GUCY1A1: variants seen among roughly 807,000 people sequenced by gnomAD.
GUCY1A1 encodes the protein guanylate cyclase 1 soluble subunit alpha 1, also known as guanylate cyclase soluble subunit alpha-1.
A neutral mutation model predicts 64.5 loss-of-function variants in GUCY1A1; 48 were observed. That is an observed-to-expected ratio of 0.74 (90% CI 0.59 to 0.95). GUCY1A1 has a LOEUF of 0.95. Among genes scored for constraint, GUCY1A1 ranks in the 40% least tolerant of loss-of-function variants. The pLI, the probability that GUCY1A1 is intolerant of heterozygous loss-of-function variation, is 0.00. For missense variants in GUCY1A1, 804 were observed against 825.3 expected, an observed-to-expected ratio of 0.97 and a Z score of 0.32; for synonymous variants, 308 against 303.4, an observed-to-expected ratio of 1.02 and a Z score of -0.16.
At chr4:155,700,305 C>T (rs748254221) in intron 3 of GUCY1A1, among the ~76,000 whole-genome samples, 2 of 151,960 alleles carry the variant, frequency 1.3e-5, no homozygotes, top group Non-Finnish European at 2.9e-5. Context: ...AAGAGAATCA[C>T]GAGGTCTGTA....
intron 8 of GUCY1A1, among the ~76,000 whole-genome samples, chr4:155,720,372 T>TATCTATC: frequency 7.1e-6 from 1 of 139,960 alleles, no homozygotes; most frequent in East Asian, 2.1e-4. Flanking sequence ...TCTATCTATC[T>TATCTATC]ATCTATCACT....
chr4:155,696,878 C>T lies in GUCY1A1; in HGVS notation c.11C>T (p.Thr4Met), dbSNP rs978762193. 3.0e-5 allele frequency: 49 copies of T among 1,613,408 alleles called. No homozygotes were observed. Among genetic ancestry groups the T allele is most frequent in the Admixed American group, 3.3e-5 (2 of 59,944 alleles). Residue 4 changes from threonine (T) to methionine (M), a missense_variant, in exon 3 of 10, where the codon ACG (threonine) becomes ATG (methionine). Coordinates refer to ENST00000506455, the MANE Select transcript of GUCY1A1 (RefSeq NM_001130682.3). MFC[T>M]KLKDLKITGE... is the part of the protein sequence containing the mutation. ...AGAGACACCAACACCATGTTCTGCA[C>T]GAAGCTCAAGGATCTCAAGATCACA...
chr4:155,680,070 G>T (rs13114562), intron 2 of GUCY1A1, among the ~76,000 whole-genome samples: 35,061 of 151,990 alleles, frequency 0.23, 5,147 homozygotes, highest in East Asian at 0.64. Context: ...GCCTCATTTT[G>T]TCAATTTTTA....
chr4:155,703,996 A>C lies in GUCY1A1; in HGVS notation c.317+3A>C. ...AAGCACAAAATAAAAGAAAGCAGGTAAGTCAAACCACTTTAGTTGTGTGAA... is the reference window on the plus strand; with the variant it reads ...AAGCACAAAATAAAAGAAAGCAGGTCAGTCAAACCACTTTAGTTGTGTGAA... On this transcript the variant is annotated splice_donor_region_variant and intron_variant, in intron 4 of 9. Transcript: ENST00000506455. The C allele has an allele frequency of 6.3e-7, 1 of 1,583,034 alleles. No individual in the cohort carries two copies. Among genetic ancestry groups the C allele is most frequent in the Non-Finnish European group, 8.7e-7 (1 of 1,155,556 alleles).
At chr4:155,693,740 C>G (rs370550200) in intron 2 of GUCY1A1, among the ~76,000 whole-genome samples, 2 of 152,180 alleles carry the variant, frequency 1.3e-5, no homozygotes, top group South Asian at 4.2e-4. Flanking sequence ...AAACACTGTT[C>G]GGCTTATTTC....
chr4:155,712,211 A>G (rs975672746), intron 6 of GUCY1A1, among the ~76,000 whole-genome samples: 4 of 151,942 alleles, frequency 2.6e-5, no homozygotes, highest in African/African-American at 9.7e-5. Context: ...GCTCACTGCA[A>G]CCTCCAACTC....
Position 155,710,944 on chromosome 4 carries a change from A to C in GUCY1A1, c.779A>C (p.Lys260Thr). The part of the protein sequence containing the change: ...QPYLLYSVHM[K>T]STKPSLSPSK... ...TACTTGTTGTACTCCGTTCACATGA[A>C]AAGCACCAAGCCATCCCTGTCCCCC... is the stretch of plus-strand genomic sequence containing the variant. The change falls in exon 6 of 10, where the codon AAA becomes ACA. Residue 260 changes from lysine (K) to threonine (T), a missense_variant. Physicochemically the swap from Lys to Thr is moderately conservative, Grantham distance 78. Coordinates refer to ENST00000506455, the MANE Select transcript of GUCY1A1 (RefSeq NM_001130682.3). 1.2e-6 allele frequency: 2 copies of C among 1,613,810 alleles called. No individual in the cohort carries two copies. The highest frequency in any genetic ancestry group is 1.7e-6 in the Non-Finnish European group (2 of 1,179,704).
At chr4:155,718,121 G>A (rs1456076956) in intron 8 of GUCY1A1, among the ~76,000 whole-genome samples, 1 of 152,156 alleles carries the variant, frequency 6.6e-6, no homozygotes, top group Non-Finnish European at 1.5e-5. Context: ...TTAACAGATA[G>A]AATATAAGCA....
intron 4 of GUCY1A1, among the ~76,000 whole-genome samples, chr4:155,704,913 G>T (rs1380322153): frequency 6.6e-6 from 1 of 152,040 alleles, no homozygotes; most frequent in Non-Finnish European, 1.5e-5. Flanking sequence ...TTGAGACAGG[G>T]TCTTGCTCTG....
At chr4:155,721,713 A>C (rs1463056360) in intron 8 of GUCY1A1, among the ~76,000 whole-genome samples, 1 of 152,168 alleles carries the variant, frequency 6.6e-6, no homozygotes, top group Non-Finnish European at 1.5e-5. Context: ...TCACATAAAC[A>C]GCTCATATCC....
In GUCY1A1 at chr4:155,708,443, T is replaced by G. The variant is rs992129117; in HGVS notation, c.376+149T>G. On this transcript the variant is annotated intron_variant, in intron 5 of 9. Transcript: ENST00000506455. ...CTGTTAACGTAAAGAGTAACTCTTT[T>G]TGATACTATATGTTTTTGTTTGACC... is the stretch of plus-strand genomic sequence containing the variant. The G allele has an allele frequency of 5.1e-5, 27 of 533,862 alleles. No homozygotes were observed. The Admixed American group carries it at 7.7e-4, about 15-fold the overall frequency. The allele number at this position is 533,862 out of a possible 1,614,324, so 33.1% of individuals were successfully genotyped here.
rs1445909832 is a variant in GUCY1A1, at chr4:155,697,057, A to G, written c.190A>G (p.Thr64Ala). Residue 64 changes from threonine (T) to alanine (A), a missense_variant, in exon 3 of 10, where the codon ACC (threonine) becomes GCC (alanine). By Grantham distance (58) the Thr-to-Ala change is moderately conservative. Coordinates refer to ENST00000506455, the MANE Select transcript of GUCY1A1 (RefSeq NM_001130682.3). ...NIQESLPQRK[T>A]SRSRVYLHTL... ...ACAAGAAAGTCTTCCTCAAAGAAAA[A>G]CCAGTCGGAGCCGAGTCTATCTTCA... The G allele has an allele frequency of 7.4e-6, 12 of 1,613,378 alleles. No homozygotes were observed. The highest frequency in any genetic ancestry group is 6.7e-5 in the East Asian group (3 of 44,892).
Position 155,710,569 on chromosome 4 carries a change from C to G in GUCY1A1, c.404C>G (p.Ser135Cys), listed in dbSNP as rs756629120. The G allele has an allele frequency of 5.6e-6, 9 of 1,606,364 alleles. 1 individual carries two copies. The highest frequency in any genetic ancestry group is 4.0e-5 in the African/African-American group (3 of 74,490). ...AGVPVEVIKE[S>C]LGEEVFKICY... Reference sequence around the variant, plus strand: ...GTTCCAGTGGAGGTTATCAAAGAATCTCTTGGTGAAGAGGTTTTTAAAATA... The same window carrying G: ...GTTCCAGTGGAGGTTATCAAAGAATGTCTTGGTGAAGAGGTTTTTAAAATA... Residue 135 changes from serine to cysteine, a missense_variant, in exon 6 of 10, where the codon TCT becomes TGT. Physicochemically the swap from Ser to Cys is moderately radical, Grantham distance 112. Transcript: ENST00000506455.
intron 9 of GUCY1A1, 63 bp downstream of exon 9, chr4:155,722,255 C>G: frequency 6.4e-7 from 1 of 1,553,936 alleles, no homozygotes; most frequent in Non-Finnish European, 8.7e-7. Flanking sequence ...GCCATTTGCC[C>G]CACTGATTTG....
chr4:155,733,507 A>G lies in GUCY1A1; in HGVS notation c.*3276A>G, dbSNP rs1025570683. The stretch of plus-strand genomic sequence containing the variant: ...AAGGTGTGCCATGATAGTTATTCAT[A>G]TTGCTATTGTAATATTAATATATAG... On this transcript the variant is annotated 3_prime_UTR_variant, in exon 10 of 10. Transcript: ENST00000506455. 6.6e-6 allele frequency among the ~76,000 whole-genome samples: 1 copy of G among 151,718 alleles called. No homozygotes were observed. The highest frequency in any genetic ancestry group is 1.5e-5 in the Non-Finnish European group (1 of 67,874).
intron 9 of GUCY1A1, among the ~76,000 whole-genome samples, chr4:155,725,358 C>T (rs752877173): frequency 6.6e-6 from 1 of 151,962 alleles, no homozygotes; most frequent in Non-Finnish European, 1.5e-5. Context: ...GGCCTATGGT[C>T]CTACTGGGTA....
Position 155,737,025 on chromosome 4 carries a change from A to T in GUCY1A1, c.*6794A>T, listed in dbSNP as rs1302207700. On this transcript the variant is annotated 3_prime_UTR_variant, in exon 10 of 10. Transcript: ENST00000506455. ...TTGTGCCACCTAAATATTGTAATAA[A>T]AGTGTTTAAATAAAAATCTTCTTAA... 4 of 152,142 alleles carry T rather than the reference A, an allele frequency of 2.6e-5. No individual in the cohort carries two copies. Among genetic ancestry groups the T allele is most frequent in the Middle Eastern group, 3.4e-3 (1 of 294 alleles). 9.4% of individuals were successfully genotyped at this position (152,142 alleles called of 1,614,324 possible). A position where few individuals can be genotyped will look rare whatever the true frequency, so the allele number is the denominator to read the frequency against.
rs13107173 is a variant in GUCY1A1 at position 155,733,786 on chromosome 4, T to C, written c.*3555T>C. ...CAAGTCTTAAAGGAAGAGAATGGTA[T>C]GATCAGATGTGTGTTTTCCAAAGAC... On this transcript the variant is annotated 3_prime_UTR_variant, in exon 10 of 10. Transcript: ENST00000506455. Among the ~76,000 whole-genome samples the C allele has an allele frequency of 2.0e-5, 3 of 151,400 alleles. No homozygotes were observed. The highest frequency in any genetic ancestry group is 4.4e-5 in the Non-Finnish European group (3 of 67,790).
chr4:155,676,975 C>T (rs1472290507), intron 2 of GUCY1A1, among the ~76,000 whole-genome samples: 2 of 151,556 alleles, frequency 1.3e-5, no homozygotes, highest in Non-Finnish European at 2.9e-5. Flanking sequence ...ATGTCCCCAT[C>T]ACAACCTGTC....
Sources: allele counts gnomAD v4.1 joint callset (sites outside exome capture counted in the v4.1 genomes callset), GRCh38; gene constraint gnomAD v4.1.1; transcripts MANE v1.5; gene names NCBI Gene and HGNC (gene_info 2026-07-23, HGNC 2026-07-21).